GPR39: variants seen among roughly 807,000 people sequenced by gnomAD.
GPR39 encodes the protein zinc sensing receptor.
In GPR39, 23 loss-of-function variants were observed where a neutral mutation model predicts 18.4. The observed-to-expected ratio is 1.25, with a 90% CI of 0.90 to 1.77. The LOEUF is 1.77. Among genes scored for constraint, GPR39 ranks in the 40% most tolerant of loss-of-function variants. GPR39 has a pLI of 0.00. For synonymous variants in GPR39, 280 were observed against 257.9 expected, an observed-to-expected ratio of 1.09 and a Z score of -0.82; for missense variants, 647 against 602.4, an observed-to-expected ratio of 1.07 and a Z score of -0.78.
chr2:132,605,911 G>A (rs1681128838), intron 1 of GPR39, among the ~76,000 whole-genome samples: 1 of 152,180 alleles, frequency 6.6e-6, no homozygotes. Flanking sequence ...GTATTCATGG[G>A]CTTGGCTGTC....
At position 132,448,885 on chromosome 2, in the gene GPR39, A is replaced by G. The variant is rs574761247; in HGVS notation, c.856+30987A>G. 1.5e-3 allele frequency among the ~76,000 whole-genome samples: 232 copies of G among 152,312 alleles called. 2 individuals are homozygous for G. The highest frequency in any genetic ancestry group is 6.6e-3 in the South Asian group (32 of 4,826). On this transcript the variant is annotated intron_variant, in intron 1 of 1. Transcript: ENST00000329321. The stretch of plus-strand genomic sequence containing the variant: ...TTCTCCCCTTCTGTCCAGACACTGC[A>G]GCCCCAGACATCTTTTTGGTACCTT...
intron 1 of GPR39, among the ~76,000 whole-genome samples, chr2:132,462,163 A>C (rs963461180): frequency 6.6e-6 from 1 of 152,172 alleles, no homozygotes; most frequent in African/African-American, 2.4e-5. Context: ...GATGTACAGC[A>C]GTTTATTAAG....
chr2:132,489,757 G>A (rs1046222793), intron 1 of GPR39, among the ~76,000 whole-genome samples: 4 of 151,902 alleles, frequency 2.6e-5, no homozygotes, highest in Admixed American at 6.6e-5. Flanking sequence ...CCTAAAAAAT[G>A]CCATATTAGG....
chr2:132,461,280 A>T (rs1680827723), intron 1 of GPR39, among the ~76,000 whole-genome samples: 1 of 151,724 alleles, frequency 6.6e-6, no homozygotes, highest in East Asian at 1.9e-4. Flanking sequence ...AACTCTCTCT[A>T]CTCTATCACA....
At chr2:132,516,538 C>T (rs1017933056) in intron 1 of GPR39, among the ~76,000 whole-genome samples, 3 of 152,200 alleles carry the variant, frequency 2.0e-5, no homozygotes, top group African/African-American at 4.8e-5. Context: ...AAGCAAAGAA[C>T]ATACAATGTC....
chr2:132,558,648 A>C (rs1330983019), intron 1 of GPR39, among the ~76,000 whole-genome samples: 1 of 152,182 alleles, frequency 6.6e-6, no homozygotes, highest in Non-Finnish European at 1.5e-5. Context: ...AACCTGATTA[A>C]CAAGACGATG....
chr2:132,577,660 C>T (rs542076106), intron 1 of GPR39, among the ~76,000 whole-genome samples: 2 of 152,234 alleles, frequency 1.3e-5, no homozygotes, highest in East Asian at 3.9e-4. Context: ...GTGGCATTGT[C>T]TTTTAATGTT....
chr2:132,530,949 C>T (rs368442782), intron 1 of GPR39, among the ~76,000 whole-genome samples: 51 of 152,250 alleles, frequency 3.3e-4, no homozygotes, highest in African/African-American at 8.2e-4. Context: ...CATCAACTAA[C>T]GAGCAAAATA....
intron 1 of GPR39, among the ~76,000 whole-genome samples, chr2:132,538,371 C>T (rs1456295775): frequency 6.6e-6 from 1 of 152,160 alleles, no homozygotes; most frequent in Non-Finnish European, 1.5e-5. Flanking sequence ...TGGGTGTCAC[C>T]AGTGGAGGCT....
intron 1 of GPR39, among the ~76,000 whole-genome samples, chr2:132,608,008 C>G (rs1681171590): frequency 6.6e-6 from 1 of 151,988 alleles, no homozygotes; most frequent in African/African-American, 2.4e-5. Context: ...TATAATGAAC[C>G]CTCTGGAGAG....
At chr2:132,425,001 A>C (rs1680091939) in intron 1 of GPR39, among the ~76,000 whole-genome samples, 1 of 152,156 alleles carries the variant, frequency 6.6e-6, no homozygotes. Flanking sequence ...TCAGGCCCTG[A>C]TTAGGAGGTG....
At chr2:132,555,047 G>T (rs1166207854) in intron 1 of GPR39, among the ~76,000 whole-genome samples, 1 of 151,916 alleles carries the variant, frequency 6.6e-6, no homozygotes, top group African/African-American at 2.4e-5. Flanking sequence ...CACCTCCCAG[G>T]TTCAAGCGAT....
At chr2:132,594,670 G>A (rs1184684202) in intron 1 of GPR39, among the ~76,000 whole-genome samples, 1 of 151,882 alleles carries the variant, frequency 6.6e-6, no homozygotes, top group African/African-American at 2.4e-5. Context: ...AATAGCATCA[G>A]TTTTCACCTT....
At chr2:132,612,205 G>T (rs1159846156) in intron 1 of GPR39, among the ~76,000 whole-genome samples, 2 of 152,038 alleles carry the variant, frequency 1.3e-5, no homozygotes, top group African/African-American at 4.8e-5. Context: ...TTCCTTTGTA[G>T]AATCAAATTG....
rs138710123 is a variant in GPR39 at position 132,470,427 on chromosome 2, G to A, written c.856+52529G>A. Among the ~76,000 whole-genome samples the A allele has an allele frequency of 7.1e-4, 108 of 152,222 alleles. 1 individual carries two copies. Among genetic ancestry groups the A allele is most frequent in the African/African-American group, 2.5e-3 (104 of 41,544 alleles). ...AGACTGTTCCAGGCTGAGGGACCATGGTGGTGTTGGCACTTCCTAAAGCAG... is the reference window on the plus strand; with the variant it reads ...AGACTGTTCCAGGCTGAGGGACCATAGTGGTGTTGGCACTTCCTAAAGCAG... On this transcript the variant is annotated intron_variant, in intron 1 of 1. Coordinates refer to ENST00000329321, the MANE Select transcript of GPR39 (RefSeq NM_001508.3).
At chr2:132,515,673 T>C (rs937686628) in intron 1 of GPR39, among the ~76,000 whole-genome samples, 1 of 152,174 alleles carries the variant, frequency 6.6e-6, no homozygotes, top group Non-Finnish European at 1.5e-5. Flanking sequence ...CCTTTCTTCC[T>C]TAAAGCAACT....
intron 1 of GPR39, among the ~76,000 whole-genome samples, chr2:132,556,826 T>C (rs1296432553): frequency 2.6e-5 from 4 of 152,188 alleles, no homozygotes; most frequent in Non-Finnish European, 5.9e-5. Context: ...CCTCTCTGGC[T>C]TTCCTTCCCT....
At chr2:132,551,790 A>G (rs1680048900) in intron 1 of GPR39, among the ~76,000 whole-genome samples, 2 of 145,636 alleles carry the variant, frequency 1.4e-5, no homozygotes, top group Admixed American at 1.4e-4. Flanking sequence ...GTAAATATTG[A>G]CAAGTGGTTA....
intron 1 of GPR39, among the ~76,000 whole-genome samples, chr2:132,468,777 T>C (rs1398012224): frequency 6.6e-6 from 1 of 152,080 alleles, no homozygotes; most frequent in African/African-American, 2.4e-5. Flanking sequence ...GTGCAGGTCG[T>C]TATGAAGGCT....
Sources: allele counts gnomAD v4.1 joint callset (sites outside exome capture counted in the v4.1 genomes callset), GRCh38; gene constraint gnomAD v4.1.1; transcripts MANE v1.5; gene names NCBI Gene and HGNC (gene_info 2026-07-23, HGNC 2026-07-21).